KIF26B: variants seen among roughly 807,000 people sequenced by gnomAD.
KIF26B encodes the protein kinesin family member 26B, also known as kinesin-like protein KIF26B.
KIF26B carries 63 observed loss-of-function variants against 151.2 expected under a neutral mutation model. That is an observed-to-expected ratio of 0.42 (90% CI 0.34 to 0.51). KIF26B has a LOEUF of 0.51. Among genes scored for constraint, KIF26B ranks in the 20% least tolerant of loss-of-function variants. The pLI is 0.07. For synonymous variants in KIF26B, 1,357 were observed against 1,262.1 expected (o/e 1.08, Z -1.59); for missense variants, 2,813 against 2,913.6 (o/e 0.97, Z 0.79).
Position 245,609,453 on chromosome 1 carries a change from G to A in KIF26B, c.1839G>A (p.Glu613=), listed in dbSNP as rs904258175. 3.1e-6 allele frequency: 5 copies of A among 1,604,992 alleles called. No homozygotes were observed. Among genetic ancestry groups the A allele is most frequent in the Non-Finnish European group, 2.6e-6 (3 of 1,175,952 alleles). Residue 613 remains glutamate, a synonymous_variant, in exon 8 of 15, where the codon GAG becomes GAA. Coordinates refer to ENST00000407071, the MANE Select transcript of KIF26B (RefSeq NM_018012.4). ...AGAACCTGCGGGACCTGCTGTCGGA[G>A]GTGGCCACGGGCAGCCTGCAGGACG... ...KEENLRDLLS[E]VATGSLQDGQ...
intron 2 of KIF26B, among the ~76,000 whole-genome samples, chr1:245,224,272 CA>C: frequency 7.6e-6 from 1 of 131,356 alleles, no homozygotes; most frequent in Non-Finnish European, 1.6e-5. Flanking sequence ...GCAACAAGAG[CA>C]AAACTCCGTC....
At chr1:245,180,292 C>CAGAG (rs34346823) in intron 2 of KIF26B, among the ~76,000 whole-genome samples, 30,270 of 148,412 alleles carry the variant, frequency 0.2, 3,574 homozygotes, top group South Asian at 0.36. Context: ...CTGCAGGTAG[C>CAGAG]AGAGAGAGAG....
intron 4 of KIF26B, among the ~76,000 whole-genome samples, chr1:245,515,447 G>A (rs1300666003): frequency 1.3e-5 from 2 of 151,846 alleles, no homozygotes; most frequent in Non-Finnish European, 2.9e-5. Context: ...GAACGGATAC[G>A]TAAATGACAG....
intron 2 of KIF26B, among the ~76,000 whole-genome samples, chr1:245,189,967 TACTC>T (rs1343934982): frequency 1.7e-4 from 26 of 152,264 alleles, no homozygotes; most frequent in East Asian, 7.7e-4. Flanking sequence ...TCGTGAGACT[TACTC>T]ACTACCGTGA....
intron 11 of KIF26B, among the ~76,000 whole-genome samples, chr1:245,685,105 G>A (rs2044492752): frequency 6.6e-6 from 1 of 152,260 alleles, no homozygotes; most frequent in Admixed American, 6.5e-5. Flanking sequence ...GGCACAGGGT[G>A]CCAAACATTG....
At chr1:245,356,946 A>G (rs535284779) in intron 2 of KIF26B, among the ~76,000 whole-genome samples, 1 of 152,370 alleles carries the variant, frequency 6.6e-6, no homozygotes, top group African/African-American at 2.4e-5. Flanking sequence ...AGAGATGGCC[A>G]GGCAGATATC....
chr1:245,522,161 G>A (rs539172434), intron 4 of KIF26B, among the ~76,000 whole-genome samples: 41 of 152,232 alleles, frequency 2.7e-4, no homozygotes, highest in Admixed American at 4.6e-4. Context: ...GAGCCACCGC[G>A]CCCGGCCTGG....
chr1:245,466,219 C>G (rs995076147), intron 4 of KIF26B, among the ~76,000 whole-genome samples: 1 of 151,788 alleles, frequency 6.6e-6, no homozygotes, highest in African/African-American at 2.4e-5. Context: ...TTGTTTCCCT[C>G]CTGATAAAAA....
At chr1:245,183,494 C>T (rs1309859846) in intron 2 of KIF26B, among the ~76,000 whole-genome samples, 1 of 152,156 alleles carries the variant, frequency 6.6e-6, no homozygotes, top group Non-Finnish European at 1.5e-5. Context: ...AGAAATTTTC[C>T]AGACTCATTC....
At chr1:245,586,727 A>G (rs2043229141) in intron 5 of KIF26B, among the ~76,000 whole-genome samples, 1 of 151,576 alleles carries the variant, frequency 6.6e-6, no homozygotes, top group Admixed American at 6.6e-5. Context: ...ACTAAAAAAA[A>G]TACAAAAAAT....
At chr1:245,379,129 AAAAT>A (rs1673342867) in intron 3 of KIF26B, among the ~76,000 whole-genome samples, 1 of 152,246 alleles carries the variant, frequency 6.6e-6, no homozygotes, top group African/African-American at 2.4e-5. Context: ...TCAAGCACAT[AAAAT>A]AAATGTTATC....
At chr1:245,223,686 A>T (rs1669818672) in intron 2 of KIF26B, among the ~76,000 whole-genome samples, 1 of 152,200 alleles carries the variant, frequency 6.6e-6, no homozygotes, top group South Asian at 2.1e-4. Flanking sequence ...CAGTTCTGCA[A>T]GTGTGTTCTG....
intron 4 of KIF26B, among the ~76,000 whole-genome samples, chr1:245,451,037 C>CT (rs199695450): frequency 0.024 from 3,641 of 151,726 alleles, 155 homozygotes; most frequent in African/African-American, 0.083. Context: ...GAAACTTTGA[C>CT]TTTTGTTTTT....
intron 2 of KIF26B, among the ~76,000 whole-genome samples, chr1:245,189,341 A>G (rs1423831883): frequency 1.3e-5 from 2 of 152,224 alleles, no homozygotes; most frequent in Non-Finnish European, 2.9e-5. Flanking sequence ...TTAACTTTTC[A>G]ATATCATTTT....
rs1372187617 is a variant in KIF26B, at chr1:245,512,289, T to C, written c.1167-28478T>C. Among the ~76,000 whole-genome samples, 1 of 152,190 alleles carries C rather than the reference T, an allele frequency of 6.6e-6. No homozygotes were observed. Among genetic ancestry groups the C allele is most frequent in the Admixed American group, 6.5e-5 (1 of 15,274 alleles). On this transcript the variant is annotated intron_variant, in intron 4 of 14. Coordinates refer to ENST00000407071, the MANE Select transcript of KIF26B (RefSeq NM_018012.4). The surrounding 1 kb of genome is among the most constrained non-coding windows in gnomAD (Gnocchi z 4.3). Reference sequence around the variant, plus strand: ...CTCCCACCTGTCCACCCTGCCTGTTTCCCAGCCCCCATCCTTCTCTCTGAG... The same window carrying C: ...CTCCCACCTGTCCACCCTGCCTGTTCCCCAGCCCCCATCCTTCTCTCTGAG...
At chr1:245,664,903 T>G (rs1249848338) in intron 10 of KIF26B, among the ~76,000 whole-genome samples, 1 of 152,234 alleles carries the variant, frequency 6.6e-6, no homozygotes, top group Non-Finnish European at 1.5e-5. Context: ...TATGTTTATG[T>G]GCATTAACAC....
chr1:245,363,988 T>G (rs1006668923), intron 2 of KIF26B, among the ~76,000 whole-genome samples: 18 of 152,252 alleles, frequency 1.2e-4, no homozygotes, highest in Admixed American at 6.5e-4. Flanking sequence ...GAGCTCCATG[T>G]ATGTACGGAT....
intron 2 of KIF26B, among the ~76,000 whole-genome samples, chr1:245,157,033 C>G (rs893539844): frequency 6.6e-6 from 1 of 152,198 alleles, no homozygotes; most frequent in South Asian, 2.1e-4. Flanking sequence ...TCTCCCCACC[C>G]CCACCTGTGA....
intron 4 of KIF26B, among the ~76,000 whole-genome samples, chr1:245,433,476 AAAAGAAG>A (rs1558163905): frequency 2.0e-5 from 3 of 146,782 alleles, no homozygotes; most frequent in African/African-American, 7.7e-5. Flanking sequence ...CAAAAAAAAA[AAAAGAAG>A]AAGAAGAAGA....
Sources: gnomAD v4.1 joint callset for allele counts (sites outside exome capture counted in the v4.1 genomes callset) on GRCh38, gnomAD v4.1.1 for gene constraint, Gnocchi (gnomAD v3.1) non-coding constraint, MANE v1.5 for transcripts, NCBI Gene and HGNC (gene_info 2026-07-23, HGNC 2026-07-21) for gene names.